The following ERICH6B variants were observed in gnomAD, a reference collection of about 807,000 sequenced individuals.
ERICH6B encodes glutamate-rich protein 6B.
A neutral mutation model predicts 80.0 loss-of-function variants in ERICH6B; 69 were observed. That is an observed-to-expected ratio of 0.86 (90% CI 0.71 to 1.05). The LOEUF is 1.05. Among genes scored for constraint, ERICH6B ranks in the 50% least tolerant of loss-of-function variants. ERICH6B has a pLI of 0.00. For missense variants in ERICH6B, 754 were observed against 796.1 expected (o/e 0.95, Z 0.64); for synonymous variants, 283 against 291.9 (o/e 0.97, Z 0.31).
Position 45,599,817 on chromosome 13 carries a change from C to T in ERICH6B, c.-58-2754G>A, listed in dbSNP as rs545853555. On this transcript the variant is annotated intron_variant, in intron 2 of 14. Transcript: ENST00000298738. ...CATAAGTTTTGCTTCACAGTGGTGA[C>T]GGTGAAAGTGTTAGGATTAAAGCAA... Among the ~76,000 whole-genome samples the T allele has an allele frequency of 1.9e-4, 29 of 152,268 alleles. No individual in the cohort carries two copies. The South Asian group carries it at 2.1e-3, about 11-fold the overall frequency.
At chr13:45,558,763 T>C (rs1247054152) in intron 11 of ERICH6B, among the ~76,000 whole-genome samples, 5 of 152,246 alleles carry the variant, frequency 3.3e-5, no homozygotes, top group African/African-American at 1.2e-4. Flanking sequence ...AAACCATTCC[T>C]GCATCCCTGG....
chr13:45,570,781 G>A (rs1419295694), intron 8 of ERICH6B, among the ~76,000 whole-genome samples: 1 of 151,690 alleles, frequency 6.6e-6, no homozygotes, highest in Non-Finnish European at 1.5e-5. Flanking sequence ...GGTTCCATAT[G>A]GCATTCGCTC....
chr13:45,596,373 C>T lies in ERICH6B; in HGVS notation c.633G>A (p.Leu211=). 2.6e-6 allele frequency: 4 copies of T among 1,548,794 alleles called. No homozygotes were observed. Among genetic ancestry groups the T allele is most frequent in the Non-Finnish European group, 2.6e-6 (3 of 1,145,732 alleles). ...DGKENLYKKY[L]KEPKASYSSQ... is the part of the protein sequence containing the mutation. ...CTCCCTCCTCCAGATACTCACCTTT[C>T]AGATACTTTTTATACAGATTTTCTT... The change falls in exon 3 of 15, where the codon CTG becomes CTA. Residue 211 remains leucine, a synonymous_variant. Transcript: ENST00000298738.
chr13:45,543,756 T>C (rs1319504641), intron 14 of ERICH6B, among the ~76,000 whole-genome samples: 1 of 152,176 alleles, frequency 6.6e-6, no homozygotes, highest in Non-Finnish European at 1.5e-5. Flanking sequence ...AAGAAACAAA[T>C]ACAGCATTGG....
intron 1 of ERICH6B, among the ~76,000 whole-genome samples, chr13:45,607,868 C>T (rs1297694246): frequency 6.6e-6 from 1 of 152,184 alleles, no homozygotes; most frequent in Non-Finnish European, 1.5e-5. Context: ...ATGGCATCAC[C>T]AATCTGTGCG....
At position 45,550,309 on chromosome 13, in the gene ERICH6B, T is replaced by C; in HGVS notation, c.1415A>G (p.Gln472Arg). ...GTAGAGAATTAATTTTCCATCACCT[T>C]GATGCACCTGGGAAGAAAAGACAAG... ...EWIQKKTVVH[Q>R]GDGKLILYPN... Residue 472 changes from glutamine to arginine, a missense_variant, in exon 12 of 15, where the codon CAA becomes CGA. Gln to Arg is a conservative substitution (Grantham distance 43). Transcript: ENST00000298738. 1 of 1,551,328 alleles carries C rather than the reference T, an allele frequency of 6.4e-7. No homozygotes were observed.
At position 45,596,997 on chromosome 13, in the gene ERICH6B, A is replaced by G; in HGVS notation, c.9T>C (p.Ala3=). The G allele has an allele frequency of 6.5e-7, 1 of 1,542,828 alleles. No homozygotes were observed. Among genetic ancestry groups the G allele is most frequent in the Non-Finnish European group, 8.8e-7 (1 of 1,141,068 alleles). MS[A]ENNQLSGASP... is the part of the protein sequence containing the mutation. Reference sequence around the variant, plus strand: ...ATGCTCCTGATAACTGATTATTTTCAGCAGACATGCTGGGGAAGTCGTAGG... The same window carrying G: ...ATGCTCCTGATAACTGATTATTTTCGGCAGACATGCTGGGGAAGTCGTAGG... The change falls in exon 3 of 15, where the codon GCT becomes GCC. Residue 3 remains alanine, a synonymous_variant. Transcript: ENST00000298738.
chr13:45,599,536 A>C (rs1035696532), intron 2 of ERICH6B, among the ~76,000 whole-genome samples: 2 of 152,194 alleles, frequency 1.3e-5, no homozygotes, highest in African/African-American at 4.8e-5. Flanking sequence ...GCAAACAAAA[A>C]AAAGTGTATT....
intron 4 of ERICH6B, among the ~76,000 whole-genome samples, chr13:45,587,521 A>G (rs1194992184): frequency 6.6e-6 from 1 of 152,086 alleles, no homozygotes; most frequent in Non-Finnish European, 1.5e-5. Flanking sequence ...GTTCCAGAAC[A>G]TTCTCCTTCC....
chr13:45,571,040 C>T (rs886659332), intron 8 of ERICH6B, among the ~76,000 whole-genome samples: 1 of 152,202 alleles, frequency 6.6e-6, no homozygotes, highest in Non-Finnish European at 1.5e-5. Context: ...ATATCTGCTG[C>T]CTACCATGTT....
At chr13:45,599,672 G>A (rs60465414) in intron 2 of ERICH6B, among the ~76,000 whole-genome samples, 6,159 of 152,134 alleles carry the variant, frequency 0.04, 414 homozygotes, top group African/African-American at 0.14. Context: ...TGCTGTTTTG[G>A]GATCTGTTTC....
chr13:45,605,207 T>C (rs1321682459), intron 2 of ERICH6B, among the ~76,000 whole-genome samples: 1 of 152,138 alleles, frequency 6.6e-6, no homozygotes, highest in African/African-American at 2.4e-5. Context: ...TGCCCCCACC[T>C]CACTCTCCAG....
At chr13:45,608,336 G>A (rs989033302) in intron 1 of ERICH6B, among the ~76,000 whole-genome samples, 15 of 152,192 alleles carry the variant, frequency 9.9e-5, no homozygotes, top group African/African-American at 3.6e-4. Context: ...TATTGGCCCA[G>A]AGAAGGCAGC....
chr13:45,606,531 A>ATATATATG, intron 2 of ERICH6B, among the ~76,000 whole-genome samples: 1 of 43,256 alleles, frequency 2.3e-5, no homozygotes, highest in South Asian at 9.4e-4. Context: ...ATATATATAT[A>ATATATATG]TATATATATA....
intron 13 of ERICH6B, among the ~76,000 whole-genome samples, 184 bp from the exon 14 acceptor site, chr13:45,545,169 C>T (rs541965468): frequency 2.0e-5 from 3 of 152,336 alleles, no homozygotes; most frequent in Admixed American, 1.3e-4. Context: ...GCGCTGGCCT[C>T]ACCATATGGC....
At chr13:45,586,827 C>T (rs911172484) in intron 5 of ERICH6B, among the ~76,000 whole-genome samples, 3 of 152,122 alleles carry the variant, frequency 2.0e-5, no homozygotes, top group Non-Finnish European at 4.4e-5. Flanking sequence ...TGTTTCAGTA[C>T]TTTGCTGATG....
intron 13 of ERICH6B, among the ~76,000 whole-genome samples, chr13:45,545,912 A>G (rs1873972869): frequency 6.6e-6 from 1 of 152,200 alleles, no homozygotes; most frequent in African/African-American, 2.4e-5. Context: ...CATATTATAT[A>G]TGTATGTATT....
chr13:45,609,603 T>C (rs952650862), intron 1 of ERICH6B, among the ~76,000 whole-genome samples: 6 of 152,246 alleles, frequency 3.9e-5, no homozygotes, highest in African/African-American at 1.4e-4. Flanking sequence ...GAATAGTGCC[T>C]GGCATTTGAT....
intron 11 of ERICH6B, 119 bp downstream of exon 11, chr13:45,561,250 A>G (rs1018411529): frequency 1.9e-6 from 2 of 1,036,078 alleles, no homozygotes; most frequent in South Asian, 3.7e-5. Context: ...TCTTGGATGC[A>G]TTTTTGTGTT....
Sources: allele counts gnomAD v4.1 joint callset (sites outside exome capture counted in the v4.1 genomes callset), GRCh38; gene constraint gnomAD v4.1.1; transcripts MANE v1.5; gene names NCBI Gene and HGNC (gene_info 2026-07-23, HGNC 2026-07-21).